TCF4: variants seen among roughly 807,000 people sequenced by gnomAD.
TCF4 encodes SL3-3 enhancer factor 2.
In TCF4, 3 loss-of-function variants were observed where a neutral mutation model predicts 82.1. The ratio of observed to expected loss-of-function variants is 0.04; its 90% confidence interval spans 0.02 to 0.09. The LOEUF (loss-of-function observed/expected upper bound fraction) is 0.09. Among genes scored for constraint, TCF4 ranks in the 10% least tolerant of loss-of-function variants. The probability of loss-of-function intolerance (pLI) is 1.00; values close to 1 mark genes in which losing one functional copy is unlikely to be tolerated. For synonymous variants in TCF4, 276 were observed against 309.6 expected (o/e 0.89, Z 1.14); for missense variants, 518 against 852.7 (o/e 0.61, Z 4.89).
At chr18:55,510,993 G>A (rs972242499) in intron 3 of TCF4, among the ~76,000 whole-genome samples, 7 of 152,122 alleles carry the variant, frequency 4.6e-5, no homozygotes, top group South Asian at 2.1e-4. Flanking sequence ...AAAGCAGGAC[G>A]TGCCTCATTT....
At chr18:55,470,649 A>C (rs2096154909) in intron 3 of TCF4, among the ~76,000 whole-genome samples, 1 of 152,200 alleles carries the variant, frequency 6.6e-6, no homozygotes, top group African/African-American at 2.4e-5. Context: ...GATTTGACGT[A>C]GAGCTGTGTA....
In TCF4 at chr18:55,229,657, C is replaced by CT. The variant is rs560800990; in HGVS notation, c.1650-582dup. On this transcript the variant is annotated intron_variant, in intron 17 of 19. Coordinates refer to ENST00000354452, the MANE Select transcript of TCF4 (RefSeq NM_001083962.2). ...AGCAATGGGAGTGAAGACAGTGAGG[C>CT]TTTTATTCAGGTGTCCCCATTACCT... 5.1e-5 allele frequency: 8 copies of CT among 156,594 alleles called. No individual in the cohort carries two copies. The East Asian group carries it at 1.5e-3, about 30-fold the overall frequency. 9.7% of individuals were successfully genotyped at this position (156,594 alleles called of 1,614,324 possible).
At chr18:55,402,161 A>G in intron 6 of TCF4, 1 of 985,462 alleles carries the variant, frequency 1.0e-6, no homozygotes, top group South Asian at 4.7e-5. Context: ...GCTCTTAACC[A>G]AGCACTGTTC....
intron 5 of TCF4, among the ~76,000 whole-genome samples, chr18:55,445,748 G>A (rs1004684018): frequency 7.9e-5 from 12 of 152,120 alleles, no homozygotes; most frequent in African/African-American, 2.9e-4. Context: ...TTCCTATTAC[G>A]TCTTCCAGCT....
intron 15 of TCF4, among the ~76,000 whole-genome samples, chr18:55,235,197 G>A (rs1048781089): frequency 5.3e-5 from 8 of 151,920 alleles, no homozygotes; most frequent in Non-Finnish European, 1.2e-4. Context: ...CAGCAGTATG[G>A]GACACAGCCT....
intron 15 of TCF4, among the ~76,000 whole-genome samples, chr18:55,241,356 G>C (rs1020308166): frequency 1.3e-5 from 2 of 152,206 alleles, no homozygotes; most frequent in African/African-American, 4.8e-5. Flanking sequence ...CAGATTAACA[G>C]AGCCCATTCC....
chr18:55,442,039 C>T (rs1218835874), intron 5 of TCF4, among the ~76,000 whole-genome samples: 1 of 152,126 alleles, frequency 6.6e-6, no homozygotes, highest in Non-Finnish European at 1.5e-5. Context: ...TCTCCACTGA[C>T]ACAACTTAGC....
At chr18:55,258,138 C>T (rs1568496523) in intron 13 of TCF4, among the ~76,000 whole-genome samples, 1 of 152,138 alleles carries the variant, frequency 6.6e-6, no homozygotes, top group East Asian at 1.9e-4. Context: ...TGCCCCGACA[C>T]TGTTAGCACT....
intron 3 of TCF4, among the ~76,000 whole-genome samples, chr18:55,576,451 A>G (rs1213754136): frequency 1.3e-5 from 2 of 152,180 alleles, no homozygotes; most frequent in African/African-American, 4.8e-5. Context: ...CAACCAAGAC[A>G]GGGGTTTTTG....
In TCF4 at chr18:55,601,989, C is replaced by T. The variant is rs572085719; in HGVS notation, c.287-14853G>A. 5.1e-4 allele frequency among the ~76,000 whole-genome samples: 77 copies of T among 152,216 alleles called. 1 individual carries two copies. Among genetic ancestry groups the T allele is most frequent in the African/African-American group, 1.7e-3 (72 of 41,542 alleles). On this transcript the variant is annotated intron_variant, in intron 2 of 20. Transcript: ENST00000398339. ...TAATTATGGCTCTGTGATTTTCTTT[C>T]GTTTCTTTTTCTTTTTCTCACTTAA...
At chr18:55,321,819 C>A in intron 8 of TCF4, 1 of 1,502,842 alleles carries the variant, frequency 6.7e-7, no homozygotes, top group South Asian at 1.2e-5. Context: ...CACAACAATT[C>A]CTTCAGTTGC....
chr18:55,392,000 G>A (rs1259854613), intron 6 of TCF4, among the ~76,000 whole-genome samples: 1 of 96,188 alleles, frequency 1.0e-5, no homozygotes, highest in East Asian at 3.3e-4. Context: ...GTCTCGCTCT[G>A]TCACCCAGGC....
chr18:55,269,144 A>T (rs1388295586), intron 11 of TCF4: 1 of 152,560 alleles, frequency 6.6e-6, no homozygotes, highest in East Asian at 1.9e-4. Flanking sequence ...AAGAAATGAG[A>T]GGATGATGGC....
chr18:55,569,096 G>A (rs74356252), intron 3 of TCF4, among the ~76,000 whole-genome samples: 355 of 151,798 alleles, frequency 2.3e-3, no homozygotes, highest in African/African-American at 8.1e-3. Flanking sequence ...TCTTAATCAA[G>A]TATCTATCAA....
At chr18:55,399,917 C>G (rs935654406) in intron 6 of TCF4, among the ~76,000 whole-genome samples, 15 of 149,162 alleles carry the variant, frequency 1.0e-4, no homozygotes, top group Admixed American at 8.7e-4. Context: ...CACACACACA[C>G]ACACACACAA....
chr18:55,415,130 G>A lies in TCF4; in HGVS notation c.305-11612C>T, dbSNP rs528012142. ...TTCTCAAATACAATCAAGGCAAGGG[G>A]AATATGAAAGCAATGAAAATATGGT... On this transcript the variant is annotated intron_variant, in intron 5 of 19. Coordinates refer to ENST00000354452, the MANE Select transcript of TCF4 (RefSeq NM_001083962.2). Among the ~76,000 whole-genome samples the A allele has an allele frequency of 1.3e-4, 20 of 152,150 alleles. No individual in the cohort carries two copies. The South Asian group carries it at 3.5e-3, about 27-fold the overall frequency.
intron 5 of TCF4, among the ~76,000 whole-genome samples, chr18:55,418,694 A>G (rs759534069): frequency 6.6e-5 from 10 of 152,188 alleles, no homozygotes; most frequent in Non-Finnish European, 1.2e-4. Flanking sequence ...GAAAGAGAAG[A>G]GTCACATCTT....
intron 3 of TCF4, among the ~76,000 whole-genome samples, chr18:55,507,147 G>A (rs1407753497): frequency 2.0e-5 from 3 of 152,226 alleles, no homozygotes; most frequent in Admixed American, 6.5e-5. Flanking sequence ...ACAGGCATGA[G>A]CCACCAGGCC....
chr18:55,232,405 A>T, intron 17 of TCF4, 104 bp downstream of exon 17: 1 of 1,381,384 alleles, frequency 7.2e-7, no homozygotes, highest in Non-Finnish European at 1.0e-6. Flanking sequence ...TTCAGCTGTA[A>T]ATTTACCTGC....
Sources: gnomAD v4.1 joint callset for allele counts (sites outside exome capture counted in the v4.1 genomes callset) on GRCh38, gnomAD v4.1.1 for gene constraint, MANE v1.5 for transcripts, NCBI Gene and HGNC (gene_info 2026-07-23, HGNC 2026-07-21) for gene names.